The following CAMTA1 variants were observed in gnomAD, a reference collection of about 807,000 sequenced individuals.
CAMTA1 encodes calmodulin binding transcription activator 1.
A neutral mutation model predicts 170.9 loss-of-function variants in CAMTA1; 27 were observed. The observed-to-expected ratio is 0.16, with a 90% confidence interval of 0.12 to 0.22. CAMTA1 has a LOEUF of 0.22. Among genes scored for constraint, CAMTA1 ranks in the 10% least tolerant of loss-of-function variants. CAMTA1 has a pLI of 1.00. For missense variants in CAMTA1, 1,619 were observed against 2,217.2 expected, an observed-to-expected ratio of 0.73 and a Z score of 5.42; for synonymous variants, 833 against 891.5, an observed-to-expected ratio of 0.93 and a Z score of 1.17.
intron 11 of CAMTA1, among the ~76,000 whole-genome samples, chr1:7,687,702 G>A (rs2096270651): frequency 6.6e-6 from 1 of 152,184 alleles, no homozygotes; most frequent in Admixed American, 6.5e-5. Context: ...GCCCCAGGAG[G>A]GCAGCTTCTG....
chr1:6,853,103 T>C (rs1430722603), intron 3 of CAMTA1: 2 of 152,186 alleles, frequency 1.3e-5, no homozygotes, highest in African/African-American at 4.8e-5. Context: ...AATAGAAAGA[T>C]TGGTCTTTGG....
chr1:6,827,535 A>G (rs1235651694), intron 3 of CAMTA1, among the ~76,000 whole-genome samples: 1 of 145,882 alleles, frequency 6.9e-6, no homozygotes, highest in Non-Finnish European at 1.5e-5. Flanking sequence ...ATAACCTGCT[A>G]TTTTTTTTTT....
chr1:7,567,968 G>A (rs1448588662), intron 6 of CAMTA1, among the ~76,000 whole-genome samples: 1 of 152,128 alleles, frequency 6.6e-6, no homozygotes, highest in Non-Finnish European at 1.5e-5. Flanking sequence ...CTACCTAACT[G>A]GGTTGTTGCC....
rs1576673297 is a variant in CAMTA1, at chr1:7,661,808, C to T, written c.747C>T (p.Asp249=). The change falls in exon 8 of 23, where the codon GAC becomes GAT. Residue 249 remains aspartate (D), a synonymous_variant. Coordinates refer to ENST00000303635, the MANE Select transcript of CAMTA1 (RefSeq NM_015215.4). ...AACAGCTGGTGCAGCAGATCCTCGA[C>T]AGCCACCAGACCAAGCCCCAGCCGC... ...SVEQLVQQIL[D]SHQTKPQPRT... is the part of the protein sequence containing the mutation. 2 of 1,613,654 alleles carry T rather than the reference C, an allele frequency of 1.2e-6. No individual in the cohort carries two copies. Among genetic ancestry groups the T allele is most frequent in the East Asian group, 4.5e-5 (2 of 44,880 alleles).
chr1:6,932,567 A>G (rs1427415544), intron 3 of CAMTA1, among the ~76,000 whole-genome samples: 1 of 152,194 alleles, frequency 6.6e-6, no homozygotes, highest in African/African-American at 2.4e-5. Context: ...ATGGAAACTG[A>G]CACGTTGCTT....
chr1:7,604,993 C>T (rs550399786), intron 6 of CAMTA1, among the ~76,000 whole-genome samples: 6 of 114,488 alleles, frequency 5.2e-5, no homozygotes, highest in African/African-American at 9.9e-5. Context: ...CACAGAACAG[C>T]GGATATTGGT....
At chr1:7,487,942 C>T (rs114382041) in intron 6 of CAMTA1, among the ~76,000 whole-genome samples, 190 of 152,300 alleles carry the variant, frequency 1.2e-3, no homozygotes, top group African/African-American at 4.1e-3. Context: ...AGCCATTCCC[C>T]GGAGTGGTGT....
At chr1:7,595,168 G>A (rs1014330227) in intron 6 of CAMTA1, among the ~76,000 whole-genome samples, 8 of 152,102 alleles carry the variant, frequency 5.3e-5, no homozygotes, top group Admixed American at 2.6e-4. Context: ...GGTGCGGTGC[G>A]CACTTCGAGG....
chr1:7,099,597 G>T (rs1642480915), intron 4 of CAMTA1, among the ~76,000 whole-genome samples: 1 of 152,184 alleles, frequency 6.6e-6, no homozygotes, highest in Non-Finnish European at 1.5e-5. Context: ...GCTAACTGAG[G>T]ATTTAGCTTT....
In CAMTA1 at chr1:7,532,639, T is replaced by C. The variant is rs559917341; in HGVS notation, c.510+64738T>C. 2.7e-4 allele frequency among the ~76,000 whole-genome samples: 41 copies of C among 152,286 alleles called. No homozygotes were observed. The highest frequency in any genetic ancestry group is 8.9e-4 in the African/African-American group (37 of 41,552). On this transcript the variant is annotated intron_variant, in intron 6 of 22. Transcript: ENST00000303635. This position sits in a 1 kb window ranked among gnomAD's most constrained non-coding sequence, Gnocchi z 4.2. ...CAGGTATTGAAACTTACAAAAAGCA[T>C]AGGGCTTGGCAACCTCCCTCTTCTC...
chr1:7,355,947 A>G (rs1299791927), intron 5 of CAMTA1, among the ~76,000 whole-genome samples: 2 of 152,250 alleles, frequency 1.3e-5, no homozygotes, highest in African/African-American at 2.4e-5. Context: ...CTAAGCACAA[A>G]TGTCCCTTCT....
intron 4 of CAMTA1, among the ~76,000 whole-genome samples, chr1:7,237,008 A>T (rs1206195059): frequency 6.6e-6 from 1 of 152,242 alleles, no homozygotes; most frequent in African/African-American, 2.4e-5. Flanking sequence ...ATTTGGGGTC[A>T]GGGCTGGGAG....
At chr1:6,798,015 A>G (rs1352423765) in intron 1 of CAMTA1, among the ~76,000 whole-genome samples, 1 of 133,420 alleles carries the variant, frequency 7.5e-6, no homozygotes, top group East Asian at 2.3e-4. Context: ...TTTTTTTTTG[A>G]GACAAAGTCT....
intron 6 of CAMTA1, among the ~76,000 whole-genome samples, chr1:7,477,606 A>C (rs2149600127): frequency 6.6e-6 from 1 of 152,284 alleles, no homozygotes; most frequent in East Asian, 1.9e-4. Flanking sequence ...CAGAGCTCCC[A>C]AAACGGCCAT....
chr1:7,331,484 T>G (rs887323397), intron 5 of CAMTA1, among the ~76,000 whole-genome samples: 1 of 152,204 alleles, frequency 6.6e-6, no homozygotes, highest in Non-Finnish European at 1.5e-5. Context: ...GCATTAAAAC[T>G]GAGGAAAATT....
intron 3 of CAMTA1, among the ~76,000 whole-genome samples, chr1:6,827,021 A>G (rs1396153509): frequency 6.6e-6 from 1 of 152,254 alleles, no homozygotes; most frequent in Non-Finnish European, 1.5e-5. Flanking sequence ...TTTATAGAGG[A>G]TGAGATTAAA....
intron 6 of CAMTA1, among the ~76,000 whole-genome samples, chr1:7,510,771 T>C (rs981008518): frequency 6.9e-5 from 10 of 145,620 alleles, no homozygotes; most frequent in Admixed American, 3.4e-4. Context: ...AGCAGGACCT[T>C]TGTCCTCCTG....
At chr1:7,518,489 C>T (rs1355307263) in intron 6 of CAMTA1, among the ~76,000 whole-genome samples, 2 of 152,110 alleles carry the variant, frequency 1.3e-5, no homozygotes, top group East Asian at 3.9e-4. Flanking sequence ...CTGAAGTCCC[C>T]CCACGGGGCA....
At chr1:7,730,589 A>C (rs1008865995) in intron 11 of CAMTA1, among the ~76,000 whole-genome samples, 2 of 152,124 alleles carry the variant, frequency 1.3e-5, no homozygotes, top group Non-Finnish European at 2.9e-5. Context: ...TATCTGGCAC[A>C]GTGTTCCTTA....
Sources: gnomAD v4.1 joint callset for allele counts (sites outside exome capture counted in the v4.1 genomes callset) on GRCh38, gnomAD v4.1.1 for gene constraint, Gnocchi (gnomAD v3.1) non-coding constraint, MANE v1.5 for transcripts, NCBI Gene and HGNC (gene_info 2026-07-23, HGNC 2026-07-21) for gene names.